The following FAT1 variants were observed in gnomAD, a reference collection of about 807,000 sequenced individuals.
The protein encoded by FAT1 is protocadherin Fat 1.
Under a neutral mutation model 329.8 loss-of-function variants are expected in FAT1, and 171 were observed. That is an observed-to-expected ratio of 0.52 (90% CI 0.46 to 0.59). The LOEUF (loss-of-function observed/expected upper bound fraction) is 0.59, where lower values mean the gene tolerates loss of function less well. Ranked by LOEUF, FAT1 falls within the 20% of genes least tolerant of loss-of-function variation. FAT1 has a pLI of 0.00. For missense variants in FAT1, 5,672 were observed against 5,774.4 expected (o/e 0.98, Z 0.57); for synonymous variants, 2,233 against 2,228.6 (o/e 1.00, Z -0.06).
rs2126342091 is a variant in FAT1, at chr4:186,587,812, T to C, written c.*780A>G. ...GCTCAAGTATTTTATTAATAATTTA[T>C]TGTCAGTAAGAAAGACTGGCTAATG... On this transcript the variant is annotated 3_prime_UTR_variant, in exon 27 of 27. Transcript: ENST00000441802. 1 of 199,896 alleles carries C rather than the reference T, an allele frequency of 5.0e-6. No individual in the cohort carries two copies. The highest frequency in any genetic ancestry group is 1.9e-4 in the South Asian group (1 of 5,246). The allele number at this position is 199,896 out of a possible 1,614,324, so 12.4% of individuals were successfully genotyped here.
intron 4 of FAT1, 29 bp from the exon 5 acceptor site, chr4:186,636,943 T>A (rs1159219679): frequency 6.5e-7 from 1 of 1,547,864 alleles, no homozygotes; most frequent in Non-Finnish European, 8.8e-7. Context: ...CAGATTAACA[T>A]GTTAAGATAT....
Position 186,588,968 on chromosome 4 carries a change from G to A in FAT1, c.13391C>T (p.Pro4464Leu), listed in dbSNP as rs1317674499. The part of the protein sequence containing the change: ...EFSNQFESIH[P>L]PRDMPAAGSL... The stretch of plus-strand genomic sequence containing the variant: ...ACCCGCGGCAGGCATGTCTCTAGGA[G>A]GGTGGATGGATTCAAACTGATTGCT... The change falls in exon 27 of 27, where the codon CCT becomes CTT. Residue 4464 changes from proline (P) to leucine (L), a missense_variant. By Grantham distance (98) the Pro-to-Leu change is moderately conservative. Coordinates refer to ENST00000441802, the MANE Select transcript of FAT1 (RefSeq NM_005245.4). 4.3e-6 allele frequency: 7 copies of A among 1,613,886 alleles called. No individual in the cohort carries two copies. Among genetic ancestry groups the A allele is most frequent in the African/African-American group, 1.3e-5 (1 of 74,914 alleles).
rs773398175 is a variant in FAT1 at position 186,709,338 on chromosome 4, T to G, written c.490A>C (p.Ile164Leu). 6.2e-7 allele frequency: 1 copy of G among 1,614,008 alleles called. No homozygotes were observed. Among genetic ancestry groups the G allele is most frequent in the South Asian group, 1.1e-5 (1 of 91,086 alleles). The part of the protein sequence containing the change: ...YSVSLPENTA[I>L]RTSIARVSAT... Reference sequence around the variant, plus strand: ...CTGACTCTTGCGATACTGGTCCTTATAGCTGTGTTTTCAGGTAAAGAAACG... The same window carrying G: ...CTGACTCTTGCGATACTGGTCCTTAGAGCTGTGTTTTCAGGTAAAGAAACG... Residue 164 changes from isoleucine (I) to leucine (L), a missense_variant, in exon 2 of 27, where the codon ATA (isoleucine) becomes CTA (leucine). Ile to Leu is a conservative substitution (Grantham distance 5). This residue lies in a region of FAT1 where 3,966 missense variants were observed against 3,915.2 expected (regional missense o/e 1.01). Transcript: ENST00000441802.
Position 186,633,683 on chromosome 4 carries a change from C to A in FAT1, c.4323+1G>T, listed in dbSNP as rs780613153. The A allele has an allele frequency of 2.5e-6, 4 of 1,613,856 alleles. No homozygotes were observed. Among genetic ancestry groups the A allele is most frequent in the Non-Finnish European group, 2.5e-6 (3 of 1,179,852 alleles). ...AAGTGTGTCATTAGTAATTCACTTA[C>A]CTGAGTGAGGATAGTGGTGGTTCCA... is the stretch of plus-strand genomic sequence containing the variant. On this transcript the variant is annotated splice_donor_variant, in intron 7 of 26. Coordinates refer to ENST00000441802, the MANE Select transcript of FAT1 (RefSeq NM_005245.4). LOFTEE classifies it high-confidence loss of function.
chr4:186,643,262 CT>C (rs1560960674), intron 3 of FAT1, among the ~76,000 whole-genome samples: 2 of 152,170 alleles, frequency 1.3e-5, no homozygotes, highest in Non-Finnish European at 2.9e-5. Context: ...CACCGGTCTA[CT>C]CAGGAGGCAT....
At chr4:186,609,460 A>G in intron 15 of FAT1, 140 bp from the exon 16 acceptor site, 1 of 1,026,652 alleles carries the variant, frequency 9.7e-7, no homozygotes, top group South Asian at 1.8e-5. Flanking sequence ...TCTGTCACTC[A>G]GGCTGGAGTG....
intron 26 of FAT1, among the ~76,000 whole-genome samples, chr4:186,594,526 A>G (rs1249731838): frequency 6.6e-6 from 1 of 151,098 alleles, no homozygotes; most frequent in African/African-American, 2.4e-5. Context: ...GATAAAAGAC[A>G]TAATTCTATC....
At chr4:186,715,083 CA>C (rs11433462) in intron 1 of FAT1, among the ~76,000 whole-genome samples, 5 of 148,818 alleles carry the variant, frequency 3.4e-5, no homozygotes, top group East Asian at 2.0e-4. Context: ...GTCTCAAAAA[CA>C]AAAAAAAAAG....
intron 2 of FAT1, among the ~76,000 whole-genome samples, chr4:186,696,947 T>A (rs1043031342): frequency 6.6e-6 from 1 of 152,096 alleles, no homozygotes. Context: ...TCACTTCAAC[T>A]TGGAGGTGCA....
intron 20 of FAT1, 138 bp downstream of exon 20, chr4:186,602,765 C>T: frequency 2.0e-6 from 2 of 985,546 alleles, no homozygotes; most frequent in Non-Finnish European, 2.9e-6. Context: ...TACTGTCATT[C>T]TTTATTCATC....
At chr4:186,723,355 GGC>G (rs1745546313) in intron 1 of FAT1, among the ~76,000 whole-genome samples, 6 of 152,194 alleles carry the variant, frequency 3.9e-5, no homozygotes, top group Non-Finnish European at 8.8e-5. Context: ...CCGCGAGGCC[GGC>G]GCAGCCCGGC....
chr4:186,604,048 G>A (rs1579303189), intron 18 of FAT1, 71 bp from the exon 19 acceptor site: 1 of 1,235,698 alleles, frequency 8.1e-7, no homozygotes, highest in Non-Finnish European at 1.1e-6. Flanking sequence ...AAAAACATTT[G>A]TATTACTCAA....
Position 186,617,960 on chromosome 4 carries a change from C to T in FAT1, c.8626G>A (p.Asp2876Asn), listed in dbSNP as rs1739796188. 2.5e-6 allele frequency: 4 copies of T among 1,613,842 alleles called. No homozygotes were observed. In the South Asian group the frequency reaches 4.4e-5, roughly 18 times the overall value. ...TGGTAATTGTCTCTCTTTTCATGGT[C>T]AAGTTCCTTTAAAGTTGTAATCCAG... ...TGWITTLKEL[D>N]HEKRDNYQIK... The change falls in exon 10 of 27, where the codon GAC (aspartate) becomes AAC (asparagine). Residue 2876 changes from aspartate to asparagine, a missense_variant. Physicochemically the swap from Asp to Asn is conservative, Grantham distance 23. This residue lies in a region of FAT1 where 3,966 missense variants were observed against 3,915.2 expected (regional missense o/e 1.01). Coordinates refer to ENST00000441802, the MANE Select transcript of FAT1 (RefSeq NM_005245.4).
In FAT1 at chr4:186,595,712, T is replaced by C. The variant is rs766819444; in HGVS notation, c.13115A>G (p.Gln4372Arg). ...ACCATTGTCATCGCACGATTCGGAC[T>C]GGAAGGAGCTCAGAGACTGCACTTC... Reference protein sequence around the residue: ...LSEVQSLSSFQSESCDDNGYH... With the variant: ...LSEVQSLSSFRSESCDDNGYH... Residue 4372 changes from glutamine (Q) to arginine (R), a missense_variant, in exon 26 of 27, where the codon CAG becomes CGG. By Grantham distance (43) the Gln-to-Arg change is conservative (BLOSUM62 1). Around this residue, in one of 2 missense-constraint regions of FAT1, gnomAD observed 1,706 missense variants for 1,859.1 expected, o/e 0.92. Transcript: ENST00000441802. The C allele has an allele frequency of 6.2e-7, 1 of 1,613,918 alleles. No homozygotes were observed. The highest frequency in any genetic ancestry group is 8.5e-7 in the Non-Finnish European group (1 of 1,179,906).
chr4:186,641,194 A>G (rs1447265937), intron 3 of FAT1, among the ~76,000 whole-genome samples: 2 of 152,156 alleles, frequency 1.3e-5, no homozygotes, highest in East Asian at 1.9e-4. Context: ...TTTCCTCACA[A>G]TTCAACGAAA....
chr4:186,720,666 T>C (rs1745433176), intron 1 of FAT1, among the ~76,000 whole-genome samples: 1 of 152,214 alleles, frequency 6.6e-6, no homozygotes, highest in African/African-American at 2.4e-5. Flanking sequence ...GACTGTGTAC[T>C]TGTCCTCTCC....
chr4:186,601,672 T>C (rs886872938), intron 20 of FAT1: 7 of 342,776 alleles, frequency 2.0e-5, no homozygotes, highest in African/African-American at 1.4e-4. Context: ...TAATGAAAGA[T>C]TAAATATAAA....
rs1579484059 is a variant in FAT1, at chr4:186,707,032, A to G, written c.2796T>C (p.Tyr932=). The change falls in exon 2 of 27, where the codon TAT becomes TAC. Residue 932 remains tyrosine (Y), a synonymous_variant. Coordinates refer to ENST00000441802, the MANE Select transcript of FAT1 (RefSeq NM_005245.4). ...GAAGATCCTCTCGGACTTTCACACGATAATTAGGTGGAATAAATGTAGGTG... is the reference window on the plus strand; with the variant it reads ...GAAGATCCTCTCGGACTTTCACACGGTAATTAGGTGGAATAAATGTAGGTG... ...DNPPTFIPPN[Y]RVKVREDLPE... is the part of the protein sequence containing the mutation. 7 of 1,613,808 alleles carry G rather than the reference A, an allele frequency of 4.3e-6. No individual in the cohort carries two copies. Among genetic ancestry groups the G allele is most frequent in the South Asian group, 1.1e-5 (1 of 91,080 alleles).
chr4:186,621,867 A>G lies in FAT1; in HGVS notation c.4811-92T>C, dbSNP rs1740067498. On this transcript the variant is annotated intron_variant, in intron 9 of 26. Transcript: ENST00000441802. ...AAACAGAAACAAAGTATCCTTAAAA[A>G]TTATATTCTGAAATTAAGCAGAAAC... 3.8e-6 allele frequency: 3 copies of G among 788,340 alleles called. No individual in the cohort carries two copies. In the South Asian group the frequency reaches 6.9e-5, roughly 18 times the overall value. 48.8% of individuals were successfully genotyped at this position (788,340 alleles called of 1,614,324 possible). A position where few individuals can be genotyped will look rare whatever the true frequency, so the allele number is the denominator to read the frequency against.
Sources: allele counts gnomAD v4.1 joint callset (sites outside exome capture counted in the v4.1 genomes callset), GRCh38; gene constraint gnomAD v4.1.1; regional missense constraint gnomAD v4.1.1; transcripts MANE v1.5; gene names NCBI Gene and HGNC (gene_info 2026-07-23, HGNC 2026-07-21).